RASA2: variants seen among roughly 807,000 people sequenced by gnomAD.
The protein encoded by RASA2 is ras GTPase-activating protein 2.
RASA2 carries 155 observed loss-of-function variants against 118.2 expected under a neutral mutation model. The observed-to-expected ratio is 1.31, with a 90% CI of 1.15 to 1.50. The LOEUF is 1.50. RASA2 is among the 40% of genes most tolerant of loss of function. The pLI, the probability that RASA2 is intolerant of heterozygous loss-of-function variation, is 0.00. For synonymous variants in RASA2, 353 were observed against 349.1 expected (o/e 1.01, Z -0.12); for missense variants, 1,016 against 1,009.6 (o/e 1.01, Z -0.09).
chr3:141,500,982 G>A (rs567441106), intron 1 of RASA2, among the ~76,000 whole-genome samples: 1 of 152,270 alleles, frequency 6.6e-6, no homozygotes, highest in South Asian at 2.1e-4. Flanking sequence ...AAGCCCAGCA[G>A]AGATTATTAT....
intron 1 of RASA2, among the ~76,000 whole-genome samples, chr3:141,499,439 A>G (rs944150946): frequency 6.6e-6 from 1 of 152,110 alleles, no homozygotes; most frequent in Non-Finnish European, 1.5e-5. Context: ...CACACACACG[A>G]AAAAACAGTT....
intron 19 of RASA2, among the ~76,000 whole-genome samples, chr3:141,588,708 A>G (rs2083243404): frequency 6.6e-6 from 1 of 152,232 alleles, no homozygotes; most frequent in African/African-American, 2.4e-5. Flanking sequence ...GTGTCCCAGT[A>G]TATTAGAAAG....
intron 14 of RASA2, among the ~76,000 whole-genome samples, chr3:141,576,286 A>G (rs1362490954): frequency 2.0e-5 from 3 of 152,216 alleles, no homozygotes; most frequent in Non-Finnish European, 4.4e-5. Flanking sequence ...TAGAAAGCAG[A>G]TATTACTAAA....
At chr3:141,584,580 A>G (rs1249121386) in intron 17 of RASA2, among the ~76,000 whole-genome samples, 2 of 152,194 alleles carry the variant, frequency 1.3e-5, no homozygotes, top group Non-Finnish European at 2.9e-5. Flanking sequence ...CTCTTCAGTC[A>G]TGACTGTGAA....
At chr3:141,524,757 A>T (rs2082161764) in intron 3 of RASA2, among the ~76,000 whole-genome samples, 1 of 151,846 alleles carries the variant, frequency 6.6e-6, no homozygotes, top group Non-Finnish European at 1.5e-5. Flanking sequence ...CGCTCGGCTA[A>T]TTTTTTGTAT....
chr3:141,538,970 G>A (rs578013230), intron 4 of RASA2, among the ~76,000 whole-genome samples: 1 of 152,158 alleles, frequency 6.6e-6, no homozygotes, highest in Non-Finnish European at 1.5e-5. Flanking sequence ...GACATTTCCT[G>A]AGAGACAGTT....
intron 1 of RASA2, among the ~76,000 whole-genome samples, chr3:141,495,821 G>T (rs150455991): frequency 6.6e-6 from 1 of 152,176 alleles, no homozygotes; most frequent in Non-Finnish European, 1.5e-5. Context: ...ATGTACATCG[G>T]TAGGAAAATG....
At chr3:141,527,259 A>C (rs2082198097) in intron 3 of RASA2, among the ~76,000 whole-genome samples, 1 of 152,208 alleles carries the variant, frequency 6.6e-6, no homozygotes, top group African/African-American at 2.4e-5. Flanking sequence ...ACATCTATAT[A>C]CATATTCATA....
chr3:141,602,843 C>A (rs2083487355), intron 19 of RASA2, among the ~76,000 whole-genome samples: 1 of 152,192 alleles, frequency 6.6e-6, no homozygotes, highest in South Asian at 2.1e-4. Flanking sequence ...TCTCCCCAGG[C>A]TTTCAGTTTT....
intron 23 of RASA2, among the ~76,000 whole-genome samples, chr3:141,610,340 TATATATATTTA>T (rs2083619592): frequency 7.4e-6 from 1 of 135,336 alleles, no homozygotes; most frequent in Non-Finnish European, 1.6e-5. Context: ...ATATATATTT[TATATATATTTA>T]TATTTATATA....
chr3:141,514,277 T>C (rs1361171899), intron 2 of RASA2, among the ~76,000 whole-genome samples: 1 of 152,178 alleles, frequency 6.6e-6, no homozygotes. Flanking sequence ...AGAAAAGATA[T>C]GGCCAAGAGC....
chr3:141,576,313 G>A lies in RASA2; in HGVS notation c.1484-687G>A, dbSNP rs915927294. 2.6e-5 allele frequency among the ~76,000 whole-genome samples: 4 copies of A among 152,232 alleles called. No individual in the cohort carries two copies. In the East Asian group the frequency reaches 7.7e-4, roughly 29 times the overall value. On this transcript the variant is annotated intron_variant, in intron 14 of 23. Transcript: ENST00000286364. ...ATTACTAAAGAATGACAAATTAAAC[G>A]ACTTGTTAATGGTTACCTACTGAAT...
At chr3:141,499,421 G>A (rs1280228129) in intron 1 of RASA2, among the ~76,000 whole-genome samples, 3 of 151,890 alleles carry the variant, frequency 2.0e-5, no homozygotes, top group Admixed American at 6.6e-5. Context: ...AGGTTTTATA[G>A]CCACACACAC....
In RASA2 at chr3:141,573,366, C is replaced by G. The variant is rs556666897; in HGVS notation, c.1359+145C>G. On this transcript the variant is annotated intron_variant, in intron 13 of 23. Transcript: ENST00000286364. ...AAGCCTTTATTATTAGCAGCACTTC[C>G]AGCTCCTAGGATTAGTTTTTAGAAT... 73 of 837,630 alleles carry G rather than the reference C, an allele frequency of 8.7e-5. 2 individuals carry two copies. The South Asian group carries it at 2.2e-3, about 25-fold the overall frequency. 51.9% of individuals were successfully genotyped at this position (837,630 alleles called of 1,614,324 possible).
chr3:141,497,273 TAACA>T (rs2081716544), intron 1 of RASA2, among the ~76,000 whole-genome samples: 2 of 151,434 alleles, frequency 1.3e-5, no homozygotes, highest in Non-Finnish European at 2.9e-5. Flanking sequence ...TATACATATG[TAACA>T]AACCTGCACA....
chr3:141,597,129 G>C (rs1460531229), intron 19 of RASA2, among the ~76,000 whole-genome samples: 1 of 152,140 alleles, frequency 6.6e-6, no homozygotes, highest in Non-Finnish European at 1.5e-5. Flanking sequence ...GGCTGGGCGT[G>C]GTGGCTCACA....
rs1452843048 is a variant in RASA2 at position 141,614,776 on chromosome 3, G to A, written c.*2463G>A. On this transcript the variant is annotated 3_prime_UTR_variant, in exon 24 of 24. Coordinates refer to ENST00000286364, the MANE Select transcript of RASA2 (RefSeq NM_006506.5). ...CAATAGCAAACATTTTTACTCCCAG[G>A]AATATAATTTATCAAATTGAACTAT... The A allele has an allele frequency of 4.6e-5, 7 of 152,034 alleles. No individual in the cohort carries two copies. The highest frequency in any genetic ancestry group is 1.0e-4 in the Non-Finnish European group (7 of 68,010). The allele number at this position is 152,034 out of a possible 1,614,324, so 9.4% of individuals were successfully genotyped here.
At chr3:141,578,002 A>C (rs2083040722) in intron 15 of RASA2, among the ~76,000 whole-genome samples, 1 of 152,218 alleles carries the variant, frequency 6.6e-6, no homozygotes, top group Admixed American at 6.5e-5. Flanking sequence ...AATACTTTAT[A>C]ATCTTACCTA....
intron 14 of RASA2, 92 bp from the exon 15 acceptor site, chr3:141,576,908 C>T: frequency 1.4e-6 from 1 of 734,912 alleles, no homozygotes; most frequent in Non-Finnish European, 2.1e-6. Flanking sequence ...TGTTGCTCTC[C>T]TAGTTTACAT....
Sources: gnomAD v4.1 joint callset for allele counts (sites outside exome capture counted in the v4.1 genomes callset) on GRCh38, gnomAD v4.1.1 for gene constraint, MANE v1.5 for transcripts, NCBI Gene and HGNC (gene_info 2026-07-23, HGNC 2026-07-21) for gene names.